The following ITCH variants were observed in gnomAD, a reference collection of about 807,000 sequenced individuals.
ITCH encodes the protein E3 ubiquitin-protein ligase Itchy homolog.
ITCH carries 28 observed loss-of-function variants against 126.8 expected under a neutral mutation model. The observed-to-expected ratio is 0.22, with a 90% confidence interval of 0.16 to 0.30. The LOEUF (loss-of-function observed/expected upper bound fraction) is 0.30, where lower values mean the gene tolerates loss of function less well. Among genes scored for constraint, ITCH ranks in the 10% least tolerant of loss-of-function variants. ITCH has a pLI of 1.00. For missense variants in ITCH, 631 were observed against 1,032.4 expected, an observed-to-expected ratio of 0.61 and a Z score of 5.33; for synonymous variants, 342 against 340.0, an observed-to-expected ratio of 1.01 and a Z score of -0.06.
intron 2 of ITCH, among the ~76,000 whole-genome samples, chr20:34,373,696 A>G (rs2037728275): frequency 6.6e-6 from 1 of 151,934 alleles, no homozygotes; most frequent in South Asian, 2.1e-4. Flanking sequence ...ACCCTAATAG[A>G]TCTATCCTTC....
intron 2 of ITCH, among the ~76,000 whole-genome samples, chr20:34,390,011 C>T (rs2038426368): frequency 6.6e-6 from 1 of 151,628 alleles, no homozygotes; most frequent in East Asian, 1.9e-4. Flanking sequence ...GTCCCAGCTA[C>T]TGGGGAGGCT....
Position 34,511,123 on chromosome 20 carries a change from G to GC in ITCH, c.*3335dup, listed in dbSNP as rs1294879336. 6.6e-6 allele frequency: 1 copy of GC among 151,974 alleles called. No individual in the cohort carries two copies. The highest frequency in any genetic ancestry group is 1.5e-5 in the Non-Finnish European group (1 of 67,978). 9.4% of individuals were successfully genotyped at this position (151,974 alleles called of 1,614,324 possible). A position where few individuals can be genotyped will look rare whatever the true frequency, so the allele number is the denominator to read the frequency against. ...CTATTTAGTATTGTTGGTATCTCCA[G>GC]CCCCCCTCCTTTTTTTGTTTTTCTT... On this transcript the variant is annotated 3_prime_UTR_variant, in exon 25 of 25. Coordinates refer to ENST00000374864, the MANE Select transcript of ITCH (RefSeq NM_031483.7).
intron 3 of ITCH, among the ~76,000 whole-genome samples, chr20:34,404,844 G>A (rs1601820967): frequency 1.3e-5 from 2 of 152,116 alleles, no homozygotes; most frequent in Non-Finnish European, 2.9e-5. Flanking sequence ...CCCATGTAAA[G>A]TTTGTTAGGC....
At chr20:34,484,994 A>G (rs565788837) in intron 20 of ITCH, among the ~76,000 whole-genome samples, 23 of 152,316 alleles carry the variant, frequency 1.5e-4, no homozygotes, top group South Asian at 8.3e-4. Flanking sequence ...TTCTATTTCT[A>G]TAACTGTTTC....
At chr20:34,437,587 G>A (rs1052634120) in intron 7 of ITCH, among the ~76,000 whole-genome samples, 1 of 152,178 alleles carries the variant, frequency 6.6e-6, no homozygotes. Flanking sequence ...AATTACAAGC[G>A]TGAGCCACAG....
intron 2 of ITCH, among the ~76,000 whole-genome samples, chr20:34,387,278 G>A (rs1212259022): frequency 6.6e-6 from 1 of 151,456 alleles, no homozygotes; most frequent in Admixed American, 6.6e-5. Context: ...ACTCCAGCCT[G>A]GGCGACACAG....
intron 23 of ITCH, among the ~76,000 whole-genome samples, chr20:34,495,323 G>A (rs141765215): frequency 0.019 from 1,687 of 88,466 alleles, 39 homozygotes; most frequent in African/African-American, 0.059. Context: ...ATATACACAC[G>A]CACACACACA....
intron 2 of ITCH, among the ~76,000 whole-genome samples, chr20:34,379,425 C>T (rs934046139): frequency 2.0e-5 from 3 of 152,054 alleles, no homozygotes; most frequent in Non-Finnish European, 2.9e-5. Flanking sequence ...TTACCACTAT[C>T]GGTCTCTAGA....
rs1227357453 is a variant in ITCH, at chr20:34,511,089, TAAC to T, written c.*3296_*3298del. The T allele has an allele frequency of 6.6e-6, 1 of 152,242 alleles. No homozygotes were observed. Among genetic ancestry groups the T allele is most frequent in the East Asian group, 1.9e-4 (1 of 5,206 alleles). The allele number at this position is 152,242 out of a possible 1,614,324, so 9.4% of individuals were successfully genotyped here. A position where few individuals can be genotyped will look rare whatever the true frequency, so the allele number is the denominator to read the frequency against. On this transcript the variant is annotated 3_prime_UTR_variant, in exon 25 of 25. Coordinates refer to ENST00000374864, the MANE Select transcript of ITCH (RefSeq NM_031483.7). ...TTACCTTTCTAAACTCCTTTAGAGT[TAAC>T]GACTTCTATTTAGTATTGTTGGTAT...
chr20:34,507,756 T>A lies in ITCH; in HGVS notation c.2551T>A (p.Phe851Ile), dbSNP rs1978326346. The A allele has an allele frequency of 6.2e-7, 1 of 1,613,956 alleles. No homozygotes were observed. The highest frequency in any genetic ancestry group is 1.3e-5 in the African/African-American group (1 of 75,046). Residue 851 changes from phenylalanine (F) to isoleucine (I), a missense_variant, in exon 25 of 25, where the codon TTT becomes ATT. By Grantham distance (21) the Phe-to-Ile change is conservative. Coordinates refer to ENST00000374864, the MANE Select transcript of ITCH (RefSeq NM_031483.7). The part of the protein sequence containing the change: ...SYEQLKEKLL[F>I]AIEETEGFGQ... ...TGAGCAACTGAAGGAAAAGCTGTTG[T>A]TTGCCATAGAAGAAACAGAAGGATT...
At chr20:34,464,581 C>A (rs1986871681) in intron 14 of ITCH, among the ~76,000 whole-genome samples, 1 of 152,072 alleles carries the variant, frequency 6.6e-6, no homozygotes, top group Admixed American at 6.5e-5. Flanking sequence ...CCCGCCTCAG[C>A]CTCCTGAAGT....
chr20:34,432,604 G>C (rs1982457118), intron 7 of ITCH, among the ~76,000 whole-genome samples: 1 of 152,126 alleles, frequency 6.6e-6, no homozygotes, highest in Non-Finnish European at 1.5e-5. Flanking sequence ...TTATTTTGCG[G>C]TACATAATTT....
At chr20:34,507,549 G>C (rs1420761165) in intron 24 of ITCH, 146 bp from the exon 25 acceptor site, 1 of 638,358 alleles carries the variant, frequency 1.6e-6, no homozygotes, top group Non-Finnish European at 2.8e-6. Context: ...TCCCATTTTT[G>C]GGTTATTTCA....
At chr20:34,386,424 A>G (rs918255405) in intron 2 of ITCH, among the ~76,000 whole-genome samples, 1 of 152,194 alleles carries the variant, frequency 6.6e-6, no homozygotes, top group Non-Finnish European at 1.5e-5. Flanking sequence ...AGGGAGACAT[A>G]CTACTCGGTA....
chr20:34,471,583 A>G lies in ITCH; in HGVS notation c.1569+68A>G, dbSNP rs1050871650. 32 of 954,960 alleles carry G rather than the reference A, an allele frequency of 3.4e-5. No individual in the cohort carries two copies. The African/African-American group carries it at 4.9e-4, about 15-fold the overall frequency. 59.2% of individuals were successfully genotyped at this position (954,960 alleles called of 1,614,324 possible). A position where few individuals can be genotyped will look rare whatever the true frequency, so the allele number is the denominator to read the frequency against. ...CTTAGGACCCGCTTTTGGTGCTGTC[A>G]GTTTAATCTGAATGGTTTGGAACTT... On this transcript the variant is annotated intron_variant, in intron 16 of 24. Coordinates refer to ENST00000374864, the MANE Select transcript of ITCH (RefSeq NM_031483.7).
intron 16 of ITCH, among the ~76,000 whole-genome samples, chr20:34,474,738 G>A (rs1479836930): frequency 2.6e-5 from 4 of 152,074 alleles, no homozygotes; most frequent in African/African-American, 4.8e-5. Flanking sequence ...CAGTAGGGGC[G>A]GCCGGGCAGA....
chr20:34,419,464 C>G (rs1392133290), intron 6 of ITCH, among the ~76,000 whole-genome samples: 1 of 149,104 alleles, frequency 6.7e-6, no homozygotes, highest in Non-Finnish European at 1.5e-5. Context: ...CTCTTGAGCT[C>G]TATGAAAATA....
intron 23 of ITCH, among the ~76,000 whole-genome samples, chr20:34,502,362 T>C (rs6059882): frequency 0.46 from 69,858 of 150,998 alleles, 16,512 homozygotes; most frequent in Middle Eastern, 0.51. Flanking sequence ...CCACTGCACT[T>C]AAGCATGGGC....
intron 23 of ITCH, among the ~76,000 whole-genome samples, chr20:34,502,800 C>T (rs546183951): frequency 1.3e-5 from 2 of 152,238 alleles, no homozygotes; most frequent in African/African-American, 4.8e-5. Flanking sequence ...GGGTTGATCA[C>T]TTGAGGCCAG....
Sources: allele counts gnomAD v4.1 joint callset (sites outside exome capture counted in the v4.1 genomes callset), GRCh38; gene constraint gnomAD v4.1.1; transcripts MANE v1.5; gene names NCBI Gene and HGNC (gene_info 2026-07-23, HGNC 2026-07-21).